UNC5B: variants seen among roughly 807,000 people sequenced by gnomAD.
UNC5B encodes the protein netrin receptor UNC5B.
Under a neutral mutation model 103.7 loss-of-function variants are expected in UNC5B, and 56 were observed. The ratio of observed to expected loss-of-function variants is 0.54; its 90% CI spans 0.44 to 0.67. The LOEUF (loss-of-function observed/expected upper bound fraction) is 0.67. Ranked by LOEUF, UNC5B falls within the 30% of genes least tolerant of loss-of-function variation. The pLI is 0.00. For synonymous variants in UNC5B, 577 were observed against 542.0 expected (o/e 1.06, Z -0.90); for missense variants, 1,194 against 1,284.5 (o/e 0.93, Z 1.08).
intron 1 of UNC5B, among the ~76,000 whole-genome samples, chr10:71,275,591 T>G (rs1844750784): frequency 6.6e-6 from 1 of 152,240 alleles, no homozygotes; most frequent in Non-Finnish European, 1.5e-5. Context: ...TCAGATCACC[T>G]GAATTTGCCC....
rs148443715 is a variant in UNC5B at position 71,290,994 on chromosome 10, G to C, written c.1179G>C (p.Ala393=). Reference sequence around the variant, plus strand: ...TCGTGGTCGTGGCAATCCTCATGGCGGTGGGGGTGGTGGTGTACCGCCGCA... The same window carrying C: ...TCGTGGTCGTGGCAATCCTCATGGCCGTGGGGGTGGTGGTGTACCGCCGCA... ...AIFVVVAILM[A]VGVVVYRRNC... Residue 393 remains alanine (A), a synonymous_variant, in exon 9 of 17, where the codon GCG becomes GCC. Transcript: ENST00000335350. 2 of 1,613,864 alleles carry C rather than the reference G, an allele frequency of 1.2e-6. No individual in the cohort carries two copies. The highest frequency in any genetic ancestry group is 1.7e-6 in the Non-Finnish European group (2 of 1,179,854).
At chr10:71,231,078 A>C (rs1222858646) in intron 1 of UNC5B, among the ~76,000 whole-genome samples, 2 of 152,182 alleles carry the variant, frequency 1.3e-5, no homozygotes, top group African/African-American at 4.8e-5. Context: ...CTGTCTGTTA[A>C]ATGAGGGGGT....
At chr10:71,254,620 C>T (rs1844249158) in intron 1 of UNC5B, among the ~76,000 whole-genome samples, 1 of 152,214 alleles carries the variant, frequency 6.6e-6, no homozygotes, top group South Asian at 2.1e-4. Flanking sequence ...GGCTTTAAAA[C>T]CAGCCATTCT....
chr10:71,279,790 A>C, intron 1 of UNC5B, 31 bp from the exon 2 acceptor site: 1 of 1,598,310 alleles, frequency 6.3e-7, no homozygotes, highest in Non-Finnish European at 8.5e-7. Context: ...CCCAGCACAC[A>C]GCCTCATGGA....
chr10:71,223,602 C>G (rs1004772831), intron 1 of UNC5B, among the ~76,000 whole-genome samples: 1 of 152,064 alleles, frequency 6.6e-6, no homozygotes, highest in African/African-American at 2.4e-5. Context: ...AGTCAAGTGC[C>G]CTGGGCCCCT....
chr10:71,243,730 A>T (rs1276641583), intron 1 of UNC5B, among the ~76,000 whole-genome samples: 2 of 152,334 alleles, frequency 1.3e-5, no homozygotes, highest in African/African-American at 4.8e-5. Context: ...GGCTGGAAGG[A>T]ACATGGAGGA....
intron 6 of UNC5B, 26 bp downstream of exon 6, chr10:71,287,791 C>T (rs754743974): frequency 6.2e-7 from 1 of 1,602,952 alleles, no homozygotes; most frequent in East Asian, 2.3e-5. Context: ...CATGTCCAGC[C>T]CCACCCCGAA....
intron 1 of UNC5B, among the ~76,000 whole-genome samples, chr10:71,260,824 C>T (rs1844400709): frequency 6.6e-6 from 1 of 152,202 alleles, no homozygotes; most frequent in Non-Finnish European, 1.5e-5. Context: ...GTGGCTGGAG[C>T]CAGGTTTTCA....
At position 71,290,968 on chromosome 10, in the gene UNC5B, T is replaced by G; in HGVS notation, c.1153T>G (p.Phe385Val). The change falls in exon 9 of 17, where the codon TTC becomes GTC. Residue 385 changes from phenylalanine (F) to valine (V), a missense_variant. By Grantham distance (50) the Phe-to-Val change is conservative. Coordinates refer to ENST00000335350, the MANE Select transcript of UNC5B (RefSeq NM_170744.5). ...ALYAGLVVAI[F>V]VVVAILMAVG... ...GTATGCGGGGCTCGTGGTGGCCATCTTCGTGGTCGTGGCAATCCTCATGGC... is the reference window on the plus strand; with the variant it reads ...GTATGCGGGGCTCGTGGTGGCCATCGTCGTGGTCGTGGCAATCCTCATGGC... 1 of 1,614,074 alleles carries G rather than the reference T, an allele frequency of 6.2e-7. No individual in the cohort carries two copies. The highest frequency in any genetic ancestry group is 8.5e-7 in the Non-Finnish European group (1 of 1,180,014).
At chr10:71,221,736 G>A (rs546023141) in intron 1 of UNC5B, among the ~76,000 whole-genome samples, 1 of 152,182 alleles carries the variant, frequency 6.6e-6, no homozygotes, top group South Asian at 2.1e-4. Flanking sequence ...TGTGTCTTGG[G>A]AGGGGTCTTG....
At chr10:71,250,414 C>G (rs539840175) in intron 1 of UNC5B, among the ~76,000 whole-genome samples, 54 of 152,350 alleles carry the variant, frequency 3.5e-4, no homozygotes, top group African/African-American at 1.2e-3. Flanking sequence ...TGGATGCTTC[C>G]TCAAGTCCCA....
At chr10:71,260,390 G>A (rs1284554231) in intron 1 of UNC5B, among the ~76,000 whole-genome samples, 3 of 152,222 alleles carry the variant, frequency 2.0e-5, no homozygotes, top group African/African-American at 4.8e-5. Context: ...TAATGGCACC[G>A]GGTGTGGCCC....
chr10:71,298,122 C>G (rs997671364), intron 16 of UNC5B, 32 bp downstream of exon 16: 6 of 1,560,272 alleles, frequency 3.8e-6, no homozygotes, highest in Non-Finnish European at 5.2e-6. Context: ...CCATCCCCAT[C>G]TGCCTTCGTC....
At chr10:71,227,707 T>TACACACACACAC (rs57747777) in intron 1 of UNC5B, among the ~76,000 whole-genome samples, 3 of 128,052 alleles carry the variant, frequency 2.3e-5, no homozygotes, top group African/African-American at 6.4e-5. Context: ...TACACACATA[T>TACACACACACAC]ACACACACAC....
chr10:71,267,653 C>T lies in UNC5B; in HGVS notation c.80-12168C>T, dbSNP rs192855864. Among the ~76,000 whole-genome samples, 308 of 152,294 alleles carry T rather than the reference C, an allele frequency of 2.0e-3. 2 individuals are homozygous for T. The highest frequency in any genetic ancestry group is 2.7e-3 in the Non-Finnish European group (182 of 68,026). On this transcript the variant is annotated intron_variant, in intron 1 of 16. Coordinates refer to ENST00000335350, the MANE Select transcript of UNC5B (RefSeq NM_170744.5). ...CACCACAGGCATGGTCAAGAGGAGGCCCCCAGGAAGTGTTTGATGAATGAG... is the reference window on the plus strand; with the variant it reads ...CACCACAGGCATGGTCAAGAGGAGGTCCCCAGGAAGTGTTTGATGAATGAG...
Position 71,296,737 on chromosome 10 carries a change from G to A in UNC5B, c.2485G>A (p.Ala829Thr), listed in dbSNP as rs1046581208. The part of the protein sequence containing the change: ...GQIFQLHTTL[A>T]ETPAGSLDTL... ...GATATTCCAGCTGCATACCACTCTG[G>A]CAGAGGTGAGGGAAGTCGGGGCCAC... Residue 829 changes from alanine (A) to threonine (T), a missense_variant, in exon 15 of 17, where the codon GCA becomes ACA. By Grantham distance (58) the Ala-to-Thr change is moderately conservative (BLOSUM62 0). Transcript: ENST00000335350. The A allele has an allele frequency of 1.8e-5, 29 of 1,605,632 alleles. No homozygotes were observed. The highest frequency in any genetic ancestry group is 2.4e-5 in the Non-Finnish European group (28 of 1,177,902).
intron 1 of UNC5B, among the ~76,000 whole-genome samples, chr10:71,236,036 T>C (rs1365900381): frequency 6.6e-6 from 1 of 152,238 alleles, no homozygotes; most frequent in East Asian, 1.9e-4. Flanking sequence ...TCTCTGGGTC[T>C]CACTCGTCAA....
chr10:71,291,160 G>T, intron 9 of UNC5B, 51 bp downstream of exon 9: 1 of 1,574,746 alleles, frequency 6.4e-7, no homozygotes, highest in Non-Finnish European at 8.7e-7. Flanking sequence ...GATACCCAGA[G>T]GGCTCTGGTG....
At position 71,286,685 on chromosome 10, in the gene UNC5B, G is replaced by A. The variant is rs1194189806; in HGVS notation, c.553-4G>A. The A allele has an allele frequency of 1.2e-6, 2 of 1,613,942 alleles. No homozygotes were observed. The highest frequency in any genetic ancestry group is 1.7e-6 in the Non-Finnish European group (2 of 1,179,888). Reference sequence around the variant, plus strand: ...TCACTGCCCCCTCACCCCCACTCTTGCAGGTGGAATGGCTCAAGAATGAGG... The same window carrying A: ...TCACTGCCCCCTCACCCCCACTCTTACAGGTGGAATGGCTCAAGAATGAGG... On this transcript the variant is annotated splice_region_variant and splice_polypyrimidine_tract_variant and intron_variant, in intron 4 of 16. Coordinates refer to ENST00000335350, the MANE Select transcript of UNC5B (RefSeq NM_170744.5).
Sources: gnomAD v4.1 joint callset for allele counts (sites outside exome capture counted in the v4.1 genomes callset) on GRCh38, gnomAD v4.1.1 for gene constraint, MANE v1.5 for transcripts, NCBI Gene and HGNC (gene_info 2026-07-23, HGNC 2026-07-21) for gene names.